Variants in LRRC4B observed in about 807,000 individuals in gnomAD.
LRRC4B encodes leucine rich repeat containing 4B.
LRRC4B carries 1 observed loss-of-function variant against 7.3 expected under a neutral mutation model. The observed-to-expected ratio is 0.14, with a 90% CI of 0.05 to 0.65. The LOEUF (loss-of-function observed/expected upper bound fraction) is 0.65. Among genes scored for constraint, LRRC4B ranks in the 30% least tolerant of loss-of-function variants. The pLI, the probability that LRRC4B is intolerant of heterozygous loss-of-function variation, is 0.84. For synonymous variants in LRRC4B, 500 were observed against 499.2 expected, an observed-to-expected ratio of 1.00 and a Z score of -0.02; for missense variants, 730 against 1,041.6, an observed-to-expected ratio of 0.70 and a Z score of 4.12.
Position 50,544,132 on chromosome 19 carries a change from G to A in LRRC4B, c.297+4410C>T, listed in dbSNP as rs569375785. On this transcript the variant is annotated intron_variant, in intron 2 of 2. Transcript: ENST00000652263. The stretch of plus-strand genomic sequence containing the variant: ...TGAGGCGGTAGAATTGCTTGAACGC[G>A]GGAGGCAGAGGTTGCAGTGAGCTGA... 1.9e-4 allele frequency among the ~76,000 whole-genome samples: 29 copies of A among 151,670 alleles called. No homozygotes were observed. In the South Asian group the frequency reaches 4.0e-3, roughly 21 times the overall value.
At chr19:50,564,875 ACC>A (rs917365866) in intron 1 of LRRC4B, among the ~76,000 whole-genome samples, 9 of 48,474 alleles carry the variant, frequency 1.9e-4, no homozygotes, top group African/African-American at 6.9e-4. Context: ...TTCAGCGGCC[ACC>A]CCCGCCCCCA....
intron 2 of LRRC4B, among the ~76,000 whole-genome samples, chr19:50,529,902 C>G (rs916216428): frequency 1.3e-5 from 2 of 152,072 alleles, no homozygotes; most frequent in African/African-American, 4.8e-5. Context: ...ACTGAGATGG[C>G]CTGGGGCCCC....
At chr19:50,550,778 G>A (rs1982021897) in intron 1 of LRRC4B, 1 of 152,384 alleles carries the variant, frequency 6.6e-6, no homozygotes, top group South Asian at 2.1e-4. Flanking sequence ...CTGGGGCCGT[G>A]TGTCTGTGTC....
At chr19:50,530,106 C>T (rs958035885) in intron 2 of LRRC4B, among the ~76,000 whole-genome samples, 5 of 152,142 alleles carry the variant, frequency 3.3e-5, no homozygotes, top group African/African-American at 1.2e-4. Flanking sequence ...CCCCCATTTC[C>T]TCTCCATCCC....
chr19:50,532,227 CTG>C (rs1237882345), intron 2 of LRRC4B, among the ~76,000 whole-genome samples: 1 of 152,146 alleles, frequency 6.6e-6, no homozygotes, highest in Admixed American at 6.5e-5. Flanking sequence ...CAGTGAGACT[CTG>C]TCTCAACAAA....
chr19:50,563,754 C>A lies in LRRC4B; in HGVS notation c.-36+4190G>T, dbSNP rs970482769. Among the ~76,000 whole-genome samples the A allele has an allele frequency of 2.6e-5, 4 of 152,348 alleles. No homozygotes were observed. The highest frequency in any genetic ancestry group is 5.9e-5 in the Non-Finnish European group (4 of 68,036). Reference sequence around the variant, plus strand: ...CAGGCTGCAACATGGTGCCTTCACGCAACGCTGACTTTCCAACACTGTGAG... The same window carrying A: ...CAGGCTGCAACATGGTGCCTTCACGAAACGCTGACTTTCCAACACTGTGAG... On this transcript the variant is annotated intron_variant, in intron 1 of 2. Transcript: ENST00000652263. The surrounding 1 kb of genome is among the most constrained non-coding windows in gnomAD (Gnocchi z 4.9).
At position 50,565,262 on chromosome 19, in the gene LRRC4B, T is replaced by C. The variant is rs112215346; in HGVS notation, c.-36+2682A>G. On this transcript the variant is annotated intron_variant, in intron 1 of 2. Transcript: ENST00000652263. ...CTCTGTAGCTCTGGGGCCACCTCCG[T>C]GCCTTTTGCCTTGTGTCTGTCCGTA... Among the ~76,000 whole-genome samples the C allele has an allele frequency of 4.8e-3, 738 of 152,338 alleles. 2 individuals are homozygous for C. Among genetic ancestry groups the C allele is most frequent in the Non-Finnish European group, 6.3e-3 (430 of 68,026 alleles).
Position 50,521,585 on chromosome 19 carries a change from G to A in LRRC4B, c.298-2170C>T, listed in dbSNP as rs1156466013. The stretch of plus-strand genomic sequence containing the variant: ...TGGGATTACAGGGTCGTGCCACCAC[G>A]CCTGGCTAATTTTTGTATTTTTAGT... On this transcript the variant is annotated intron_variant, in intron 2 of 2. Coordinates refer to ENST00000652263, the MANE Select transcript of LRRC4B (RefSeq NM_001080457.2). Among the ~76,000 whole-genome samples the A allele has an allele frequency of 2.6e-5, 4 of 152,174 alleles. No homozygotes were observed. In the East Asian group the frequency reaches 7.7e-4, roughly 29 times the overall value.
At chr19:50,535,167 C>CTATT (rs138045038) in intron 2 of LRRC4B, among the ~76,000 whole-genome samples, 2,630 of 151,574 alleles carry the variant, frequency 0.017, 78 homozygotes, top group African/African-American at 0.058. Context: ...CACGCCCGGC[C>CTATT]TGTTTATTTA....
rs545691123 is a variant in LRRC4B, at chr19:50,559,307, G to A, written c.-36+8637C>T. The stretch of plus-strand genomic sequence containing the variant: ...AAATTAGCCGTGCCTGGTGGCGGGC[G>A]TCCATAATCCCAGCTACTGGGGAGG... On this transcript the variant is annotated intron_variant, in intron 1 of 2. Coordinates refer to ENST00000652263, the MANE Select transcript of LRRC4B (RefSeq NM_001080457.2). Among the ~76,000 whole-genome samples the A allele has an allele frequency of 2.6e-5, 4 of 152,196 alleles. No individual in the cohort carries two copies. In the East Asian group the frequency reaches 5.8e-4, roughly 22 times the overall value.
chr19:50,566,123 G>A (rs1320602266), intron 1 of LRRC4B, among the ~76,000 whole-genome samples: 1 of 151,016 alleles, frequency 6.6e-6, no homozygotes, highest in Non-Finnish European at 1.5e-5. Context: ...GCTGCGGAAA[G>A]GCAGGTTAGA....
In LRRC4B at chr19:50,563,222, T is replaced by C. The variant is rs1443145895; in HGVS notation, c.-36+4722A>G. 1.3e-5 allele frequency among the ~76,000 whole-genome samples: 2 copies of C among 152,040 alleles called. No individual in the cohort carries two copies. Among genetic ancestry groups the C allele is most frequent in the African/African-American group, 4.8e-5 (2 of 41,400 alleles). On this transcript the variant is annotated intron_variant, in intron 1 of 2. Coordinates refer to ENST00000652263, the MANE Select transcript of LRRC4B (RefSeq NM_001080457.2). The surrounding 1 kb of genome is among the most constrained non-coding windows in gnomAD (Gnocchi z 4.9). ...GCAGCCCCTCCACCTCTGCCTGCCA[T>C]GACAACAGTTGCGCGTGGGTTTCCA...
At chr19:50,535,380 C>T (rs1002179235) in intron 2 of LRRC4B, among the ~76,000 whole-genome samples, 46 of 151,878 alleles carry the variant, frequency 3.0e-4, no homozygotes, top group African/African-American at 1.1e-3. Flanking sequence ...CCAAGTTGGC[C>T]GGGCTGGTCT....
At chr19:50,564,476 C>T (rs539372014) in intron 1 of LRRC4B, among the ~76,000 whole-genome samples, 3 of 151,702 alleles carry the variant, frequency 2.0e-5, no homozygotes, top group Non-Finnish European at 4.4e-5. Flanking sequence ...GCACAGAGAG[C>T]GGTGTCGAGC....
At chr19:50,523,784 C>T (rs59874465) in intron 2 of LRRC4B, among the ~76,000 whole-genome samples, 6,948 of 151,976 alleles carry the variant, frequency 0.046, 532 homozygotes, top group African/African-American at 0.16. Context: ...ATGGCGAAAC[C>T]CCATCTCTAC....
intron 1 of LRRC4B, among the ~76,000 whole-genome samples, chr19:50,564,649 G>A (rs1323887773): frequency 6.6e-6 from 1 of 152,094 alleles, no homozygotes; most frequent in African/African-American, 2.4e-5. Context: ...GGAGAGGCGA[G>A]ACGGCTTGAC....
At chr19:50,535,474 T>C (rs1457177428) in intron 2 of LRRC4B, among the ~76,000 whole-genome samples, 7 of 152,204 alleles carry the variant, frequency 4.6e-5, no homozygotes, top group African/African-American at 1.7e-4. Context: ...ACTCGGCCTG[T>C]TTTTATGTTT....
chr19:50,561,235 T>C (rs1329060535), intron 1 of LRRC4B, among the ~76,000 whole-genome samples: 3 of 146,658 alleles, frequency 2.0e-5, no homozygotes. Context: ...AAACCACTCA[T>C]CTGTCAAGGA....
intron 2 of LRRC4B, among the ~76,000 whole-genome samples, chr19:50,531,936 G>C (rs1323184698): frequency 6.6e-6 from 1 of 152,176 alleles, no homozygotes; most frequent in East Asian, 1.9e-4. Context: ...ATTAACACTG[G>C]TCCTGGCCAG....
Sources: allele counts gnomAD v4.1 joint callset (sites outside exome capture counted in the v4.1 genomes callset), GRCh38; gene constraint gnomAD v4.1.1; non-coding constraint Gnocchi (gnomAD v3.1); transcripts MANE v1.5; gene names NCBI Gene and HGNC (gene_info 2026-07-23, HGNC 2026-07-21).